The following FARP2 variants were observed in gnomAD, a reference collection of about 807,000 sequenced individuals.
FARP2 encodes the protein FERM, ARH/RhoGEF and pleckstrin domain protein 2.
FARP2 carries 111 observed loss-of-function variants against 130.5 expected under a neutral mutation model. The ratio of observed to expected loss-of-function variants is 0.85; its 90% confidence interval spans 0.73 to 1.00. The LOEUF (loss-of-function observed/expected upper bound fraction) is 1.00, where lower values mean the gene tolerates loss of function less well. Ranked by LOEUF, FARP2 falls within the 50% of genes least tolerant of loss-of-function variation. The probability of loss-of-function intolerance (pLI) is 0.00; values close to 1 mark genes in which losing one functional copy is unlikely to be tolerated. For missense variants in FARP2, 1,385 were observed against 1,346.3 expected (o/e 1.03, Z -0.45); for synonymous variants, 504 against 516.9 (o/e 0.98, Z 0.34).
At chr2:241,428,917 TTG>T (rs2063025331) in intron 8 of FARP2, among the ~76,000 whole-genome samples, 1 of 152,182 alleles carries the variant, frequency 6.6e-6, no homozygotes, top group African/African-American at 2.4e-5. Flanking sequence ...ATGCGGTCTG[TTG>T]TGTGTAGTGT....
intron 1 of FARP2, among the ~76,000 whole-genome samples, chr2:241,359,159 G>C (rs950997475): frequency 6.6e-6 from 1 of 152,208 alleles, no homozygotes; most frequent in South Asian, 2.1e-4. Context: ...AAAAATACAT[G>C]AGGAGGTGAA....
intron 18 of FARP2, chr2:241,471,400 AAGGGGACCCTGTTCTAC>A (rs2064301183): frequency 7.1e-6 from 1 of 141,524 alleles, no homozygotes; most frequent in African/African-American, 2.7e-5. Flanking sequence ...ATGCTGTTCT[AAGGGGACCCTGTTCTAC>A]AGGGGATTTG....
chr2:241,363,114 T>C (rs1374119400), intron 1 of FARP2, among the ~76,000 whole-genome samples: 9 of 152,250 alleles, frequency 5.9e-5, no homozygotes. Flanking sequence ...GAGTTTCTTG[T>C]CTTCCCTTCA....
chr2:241,494,379 C>T lies in FARP2; in HGVS notation c.*254C>T. The T allele has an allele frequency of 6.6e-6, 2 of 302,944 alleles. No homozygotes were observed. The highest frequency in any genetic ancestry group is 1.2e-5 in the Non-Finnish European group (2 of 163,912). 18.8% of individuals were successfully genotyped at this position (302,944 alleles called of 1,614,324 possible). On this transcript the variant is annotated 3_prime_UTR_variant, in exon 27 of 27. Transcript: ENST00000264042. This position sits in a 1 kb window ranked among gnomAD's most constrained non-coding sequence, Gnocchi z 4.9. Reference sequence around the variant, plus strand: ...GTCTTGAGCGCGGAGCCGCTCAAGCCACAGCTCCCAGGCCCCTGGCTCAAA... The same window carrying T: ...GTCTTGAGCGCGGAGCCGCTCAAGCTACAGCTCCCAGGCCCCTGGCTCAAA...
intron 23 of FARP2, 64 bp downstream of exon 23, chr2:241,491,243 C>T: frequency 2.4e-6 from 3 of 1,245,960 alleles, no homozygotes; most frequent in Non-Finnish European, 3.5e-6. Flanking sequence ...TTTTTGGAAA[C>T]TGTTTTCCTT....
intron 1 of FARP2, among the ~76,000 whole-genome samples, chr2:241,360,249 A>C (rs1405048659): frequency 1.3e-5 from 2 of 152,212 alleles, no homozygotes; most frequent in Admixed American, 1.3e-4. Flanking sequence ...TCTGAGGCAG[A>C]GGTAGATGCC....
Position 241,463,921 on chromosome 2 carries a change from A to C in FARP2, c.1834A>C (p.Thr612Pro). Reference protein sequence around the residue: ...ALWEGPSKAHTKGSHQRIGDI... With the variant: ...ALWEGPSKAHPKGSHQRIGDI... ...CAGGGAAGGGCCCTCCAAAGCCCACACAAAAGGCAGTCATCAACGAATCGG... is the reference window on the plus strand; with the variant it reads ...CAGGGAAGGGCCCTCCAAAGCCCACCCAAAAGGCAGTCATCAACGAATCGG... Residue 612 changes from threonine to proline, a missense_variant, in exon 17 of 27, where the codon ACA becomes CCA. Transcript: ENST00000264042. The C allele has an allele frequency of 6.2e-7, 1 of 1,614,090 alleles. No individual in the cohort carries two copies. Among genetic ancestry groups the C allele is most frequent in the East Asian group, 2.2e-5 (1 of 44,880 alleles).
At chr2:241,489,746 G>A (rs1264972641) in intron 21 of FARP2, 5 of 477,192 alleles carry the variant, frequency 1.0e-5, no homozygotes, top group African/African-American at 7.8e-5. Context: ...GTATTTGGGT[G>A]CCCTCTGGCC....
chr2:241,482,890 G>C lies in FARP2; in HGVS notation c.2263-575G>C, dbSNP rs1003166479. On this transcript the variant is annotated intron_variant, in intron 19 of 26. Coordinates refer to ENST00000264042, the MANE Select transcript of FARP2 (RefSeq NM_014808.4). The surrounding 1 kb of genome is among the most constrained non-coding windows in gnomAD (Gnocchi z 4.6). ...GCAGGATTCTTTTTTCTTATCTAAC[G>C]CCCTGTGGTGGACGAGGTGGTGCTA... Among the ~76,000 whole-genome samples, 1 of 152,082 alleles carries C rather than the reference G, an allele frequency of 6.6e-6. No individual in the cohort carries two copies. The highest frequency in any genetic ancestry group is 2.4e-5 in the African/African-American group (1 of 41,420).
chr2:241,431,101 C>G, intron 8 of FARP2, among the ~76,000 whole-genome samples: 1 of 152,258 alleles, frequency 6.6e-6, no homozygotes, highest in African/African-American at 2.4e-5. Context: ...CCCAGTGTAT[C>G]TTCCTGGTGA....
At chr2:241,483,325 A>C (rs2064670944) in intron 19 of FARP2, 140 bp from the exon 20 acceptor site, 1 of 697,966 alleles carries the variant, frequency 1.4e-6, no homozygotes, top group East Asian at 2.6e-5. Flanking sequence ...CCCCATTGGG[A>C]GGCTCCACTA....
In FARP2 at chr2:241,407,545, A is replaced by T. The variant is rs757842345; in HGVS notation, c.340A>T (p.Asn114Tyr). ...AAATTTTTTTGTTATAGGGCCAAAG[A>T]ATGTGGTGCTTCGCCTAGCTGTAAA... is the stretch of plus-strand genomic sequence containing the variant. The part of the protein sequence containing the change: ...PIIRQIRRPK[N>Y]VVLRLAVKFF... Residue 114 changes from asparagine to tyrosine, a missense_variant, in exon 5 of 27, where the codon AAT (asparagine) becomes TAT (tyrosine). Transcript: ENST00000264042. The T allele has an allele frequency of 6.2e-7, 1 of 1,613,830 alleles. No individual in the cohort carries two copies. Among genetic ancestry groups the T allele is most frequent in the Non-Finnish European group, 8.5e-7 (1 of 1,179,696 alleles).
In FARP2 at chr2:241,434,316, A is replaced by G. The variant is rs565314412; in HGVS notation, c.1026A>G (p.Arg342=). The G allele has an allele frequency of 6.2e-7, 1 of 1,611,114 alleles. No individual in the cohort carries two copies. Among genetic ancestry groups the G allele is most frequent in the East Asian group, 2.2e-5 (1 of 44,774 alleles). ...AVFFSRGSSF[R]YSGRTQKQLV... ...TCTTCAGCCGGGGCTCCTCCTTCAG[A>G]TACAGGTAGGGGCCATGCCGTGGCT... The change falls in exon 10 of 27, where the codon AGA becomes AGG. Residue 342 remains arginine (R), a synonymous_variant. Transcript: ENST00000264042.
intron 2 of FARP2, among the ~76,000 whole-genome samples, chr2:241,394,620 C>G (rs2061987139): frequency 6.6e-6 from 1 of 151,796 alleles, no homozygotes; most frequent in Admixed American, 6.6e-5. Context: ...GGCATCTATA[C>G]AAATTATGGA....
chr2:241,493,726 C>T (rs555560820), intron 26 of FARP2: 39 of 516,366 alleles, frequency 7.6e-5, no homozygotes, highest in South Asian at 3.7e-4. Flanking sequence ...TCCTGAGTAA[C>T]TGAGATTACA....
At chr2:241,388,002 C>A (rs2061828503) in intron 2 of FARP2, among the ~76,000 whole-genome samples, 1 of 152,132 alleles carries the variant, frequency 6.6e-6, no homozygotes, top group Non-Finnish European at 1.5e-5. Flanking sequence ...TACTCTCAAA[C>A]TGCTCTACAG....
intron 1 of FARP2, among the ~76,000 whole-genome samples, chr2:241,364,323 C>G (rs1195182570): frequency 2.0e-5 from 3 of 152,220 alleles, no homozygotes; most frequent in African/African-American, 7.2e-5. Context: ...TCTACCCACA[C>G]AGACTTGAAT....
rs540250913 is a variant in FARP2 at position 241,482,609 on chromosome 2, G to A, written c.2263-856G>A. On this transcript the variant is annotated intron_variant, in intron 19 of 26. Coordinates refer to ENST00000264042, the MANE Select transcript of FARP2 (RefSeq NM_014808.4). The surrounding 1 kb of genome is among the most constrained non-coding windows in gnomAD (Gnocchi z 4.6). The stretch of plus-strand genomic sequence containing the variant: ...ACCTTCTTCATTGTGTGGGGTGGAC[G>A]TTTCTGTTTGGGCTGGTTTTTCATC... Among the ~76,000 whole-genome samples the A allele has an allele frequency of 2.8e-4, 42 of 152,264 alleles. No individual in the cohort carries two copies. Among genetic ancestry groups the A allele is most frequent in the African/African-American group, 8.4e-4 (35 of 41,548 alleles).
chr2:241,417,166 G>A (rs556178643), intron 7 of FARP2, among the ~76,000 whole-genome samples: 17 of 151,088 alleles, frequency 1.1e-4, no homozygotes, highest in Admixed American at 8.6e-4. Context: ...GCATGGTAGC[G>A]TGCACCTGTC....
Sources: gnomAD v4.1 joint callset for allele counts (sites outside exome capture counted in the v4.1 genomes callset) on GRCh38, gnomAD v4.1.1 for gene constraint, Gnocchi (gnomAD v3.1) non-coding constraint, MANE v1.5 for transcripts, NCBI Gene and HGNC (gene_info 2026-07-23, HGNC 2026-07-21) for gene names.